Variants in PTPRD observed in about 807,000 individuals in gnomAD.
PTPRD encodes the protein protein tyrosine phosphatase receptor type D, also known as receptor-type tyrosine-protein phosphatase delta.
In PTPRD, 34 loss-of-function variants were observed where a neutral mutation model predicts 214.5. The observed-to-expected ratio is 0.16, with a 90% CI of 0.12 to 0.21. PTPRD has a LOEUF of 0.21. PTPRD is among the 10% of genes least tolerant of loss of function. PTPRD has a pLI of 1.00. For missense variants in PTPRD, 2,545 were observed against 2,398.7 expected (o/e 1.06, Z -1.27); for synonymous variants, 1,128 against 845.7 (o/e 1.33, Z -5.79).
At chr9:9,131,139 T>G (rs1448068441) in intron 10 of PTPRD, among the ~76,000 whole-genome samples, 1 of 152,150 alleles carries the variant, frequency 6.6e-6, no homozygotes, top group East Asian at 1.9e-4. Context: ...GAATAAAAAA[T>G]GATACTTAGG....
At chr9:10,610,187 T>C (rs2080586502) in intron 2 of PTPRD, among the ~76,000 whole-genome samples, 1 of 152,138 alleles carries the variant, frequency 6.6e-6, no homozygotes. Context: ...TAATCACCCA[T>C]CCTGCTTTGC....
At chr9:10,177,201 T>C (rs2154302761) in intron 3 of PTPRD, among the ~76,000 whole-genome samples, 1 of 151,882 alleles carries the variant, frequency 6.6e-6, no homozygotes, top group Non-Finnish European at 1.5e-5. Context: ...TTAAACTCAG[T>C]CCAAGGATGA....
chr9:10,474,082 G>T (rs1206608983), intron 2 of PTPRD, among the ~76,000 whole-genome samples: 1 of 152,032 alleles, frequency 6.6e-6, no homozygotes, highest in South Asian at 2.1e-4. Flanking sequence ...ATCAACTAAT[G>T]TGCAAAATAA....
At chr9:10,552,390 A>T (rs1253462204) in intron 2 of PTPRD, among the ~76,000 whole-genome samples, 1 of 152,144 alleles carries the variant, frequency 6.6e-6, no homozygotes, top group African/African-American at 2.4e-5. Flanking sequence ...AATCACAGAG[A>T]ATTTCTTGAG....
At chr9:10,533,157 C>T (rs1284458976) in intron 2 of PTPRD, among the ~76,000 whole-genome samples, 2 of 152,034 alleles carry the variant, frequency 1.3e-5, no homozygotes, top group East Asian at 1.9e-4. Flanking sequence ...ACACAGGTTC[C>T]ATTCCTGCTT....
At chr9:8,960,629 T>C (rs955595604) in intron 11 of PTPRD, among the ~76,000 whole-genome samples, 1 of 152,094 alleles carries the variant, frequency 6.6e-6, no homozygotes, top group Non-Finnish European at 1.5e-5. Context: ...ATTTTAAAGA[T>C]CTGTTAGTCC....
intron 36 of PTPRD, among the ~76,000 whole-genome samples, chr9:8,402,675 G>A (rs2092553987): frequency 1.7e-5 from 2 of 116,832 alleles, no homozygotes. Context: ...TGATTTAAGA[G>A]ACTTGAGACC....
chr9:10,292,920 A>T (rs2095570853), intron 3 of PTPRD, among the ~76,000 whole-genome samples: 2 of 151,926 alleles, frequency 1.3e-5, no homozygotes, highest in Admixed American at 1.3e-4. Context: ...ATAAAAGAAT[A>T]AGTCACTACA....
chr9:9,037,038 T>G (rs2099624086), intron 10 of PTPRD, among the ~76,000 whole-genome samples: 1 of 151,746 alleles, frequency 6.6e-6, no homozygotes, highest in Non-Finnish European at 1.5e-5. Flanking sequence ...GGTACTGGGT[T>G]AAAAATAAAA....
At chr9:8,776,871 T>C (rs1190409881) in intron 11 of PTPRD, among the ~76,000 whole-genome samples, 1 of 147,102 alleles carries the variant, frequency 6.8e-6, no homozygotes, top group Non-Finnish European at 1.5e-5. Context: ...ATATAATACA[T>C]ATGTATAGTA....
At chr9:8,407,383 C>A (rs147215315) in intron 35 of PTPRD, among the ~76,000 whole-genome samples, 2 of 152,152 alleles carry the variant, frequency 1.3e-5, no homozygotes, top group South Asian at 4.1e-4. Flanking sequence ...GGGCCTACTT[C>A]GTGACAGGCT....
intron 35 of PTPRD, among the ~76,000 whole-genome samples, chr9:8,419,957 A>G (rs72691074): frequency 0.032 from 4,877 of 152,250 alleles, 90 homozygotes; most frequent in East Asian, 0.084. Flanking sequence ...ACAGTTGCTA[A>G]GACACTAACT....
At chr9:10,546,938 C>T (rs944613958) in intron 2 of PTPRD, among the ~76,000 whole-genome samples, 2 of 152,024 alleles carry the variant, frequency 1.3e-5, no homozygotes, top group Non-Finnish European at 2.9e-5. Flanking sequence ...GTTTGACCAG[C>T]ACTGTACAGG....
At chr9:9,386,539 G>T (rs1263919364) in intron 9 of PTPRD, among the ~76,000 whole-genome samples, 1 of 152,102 alleles carries the variant, frequency 6.6e-6, no homozygotes, top group African/African-American at 2.4e-5. Flanking sequence ...CAATCATTTT[G>T]AAGACTAATA....
chr9:9,644,173 G>A (rs1485758413), intron 7 of PTPRD, among the ~76,000 whole-genome samples: 1 of 152,154 alleles, frequency 6.6e-6, no homozygotes, highest in Non-Finnish European at 1.5e-5. Context: ...CTTTGTGACA[G>A]TAGCAGCAAG....
In PTPRD at chr9:9,908,380, A is replaced by T. The variant is rs184687310; in HGVS notation, c.-368+30127T>A. Among the ~76,000 whole-genome samples, 474 of 152,084 alleles carry T rather than the reference A, an allele frequency of 3.1e-3. 3 individuals carry two copies. Among genetic ancestry groups the T allele is most frequent in the Non-Finnish European group, 5.5e-3 (377 of 67,930 alleles). On this transcript the variant is annotated intron_variant, in intron 5 of 45. Transcript: ENST00000381196. ...AACTGGAACATGTGAACAGGTGGGA[A>T]GGGGTCTCTCCAGCCTGTCTGAGGA...
chr9:9,264,747 G>A (rs1037460662), intron 9 of PTPRD, among the ~76,000 whole-genome samples: 1 of 151,466 alleles, frequency 6.6e-6, no homozygotes, highest in East Asian at 2.0e-4. Context: ...AAATAAAACT[G>A]TCAAAAATCA....
At chr9:9,517,059 A>T (rs1364947520) in intron 8 of PTPRD, among the ~76,000 whole-genome samples, 2 of 151,644 alleles carry the variant, frequency 1.3e-5, no homozygotes, top group Admixed American at 6.7e-5. Context: ...ATGAGGAGAC[A>T]GAAACTAAAT....
chr9:10,370,794 A>G (rs2097596670), intron 2 of PTPRD, among the ~76,000 whole-genome samples: 1 of 151,906 alleles, frequency 6.6e-6, no homozygotes, highest in Non-Finnish European at 1.5e-5. Context: ...CCCATTTCCT[A>G]CCTAATGCTG....
Sources: allele counts gnomAD v4.1 joint callset (sites outside exome capture counted in the v4.1 genomes callset), GRCh38; gene constraint gnomAD v4.1.1; transcripts MANE v1.5; gene names NCBI Gene and HGNC (gene_info 2026-07-23, HGNC 2026-07-21).